Variants in TMEM131L observed in about 807,000 individuals in gnomAD.
TMEM131L encodes the protein transmembrane protein 131-like.
A neutral mutation model predicts 192.2 loss-of-function variants in TMEM131L; 54 were observed. That is an observed-to-expected ratio of 0.28 (90% CI 0.23 to 0.35). TMEM131L has a LOEUF of 0.35. Among genes scored for constraint, TMEM131L ranks in the 10% least tolerant of loss-of-function variants. TMEM131L has a pLI of 1.00. For synonymous variants in TMEM131L, 701 were observed against 704.9 expected, an observed-to-expected ratio of 0.99 and a Z score of 0.09; for missense variants, 1,888 against 1,972.9, an observed-to-expected ratio of 0.96 and a Z score of 0.82.
Position 153,545,876 on chromosome 4 carries a change from C to T in TMEM131L, c.240-4197C>T, listed in dbSNP as rs182173078. On this transcript the variant is annotated intron_variant, in intron 3 of 34. Coordinates refer to ENST00000409959, the MANE Select transcript of TMEM131L (RefSeq NM_001131007.2). ...GGCTCTTGCCTTTATTTCTTATCCT[C>T]GTGCCTTTCTCCTGTTATAGAAGCA... 1.3e-3 allele frequency among the ~76,000 whole-genome samples: 205 copies of T among 152,124 alleles called. 3 individuals carry two copies. The highest frequency in any genetic ancestry group is 1.4e-3 in the Non-Finnish European group (94 of 67,986).
At position 153,591,043 on chromosome 4, in the gene TMEM131L, A is replaced by G; in HGVS notation, c.1671-10A>G. On this transcript the variant is annotated splice_polypyrimidine_tract_variant and intron_variant, in intron 16 of 34. Transcript: ENST00000409959. ...TATTTTTCATAATAGTTTCTTTATC[A>G]ATTAAACAGGAGGAATGTTTTGGGA... 1 of 1,504,432 alleles carries G rather than the reference A, an allele frequency of 6.6e-7. No individual in the cohort carries two copies. The highest frequency in any genetic ancestry group is 8.9e-7 in the Non-Finnish European group (1 of 1,122,802). 93.2% of individuals were successfully genotyped at this position (1,504,432 alleles called of 1,614,324 possible). A position where few individuals can be genotyped will look rare whatever the true frequency, so the allele number is the denominator to read the frequency against.
intron 34 of TMEM131L, among the ~76,000 whole-genome samples, chr4:153,636,057 G>T (rs1257395200): frequency 6.6e-6 from 1 of 152,106 alleles, no homozygotes; most frequent in Non-Finnish European, 1.5e-5. Flanking sequence ...TTTTTTTCCA[G>T]ATAAAGGGTA....
chr4:153,522,567 C>T (rs550878356), intron 3 of TMEM131L, among the ~76,000 whole-genome samples: 4 of 152,240 alleles, frequency 2.6e-5, no homozygotes, highest in African/African-American at 9.6e-5. Context: ...CGCTTTGGTG[C>T]CCTACCGAGC....
chr4:153,492,133 T>C (rs1732835259), intron 3 of TMEM131L, among the ~76,000 whole-genome samples: 1 of 151,430 alleles, frequency 6.6e-6, no homozygotes, highest in South Asian at 2.1e-4. Context: ...TTCCAAGTAG[T>C]GGGGACTATT....
At chr4:153,548,210 C>CAT (rs2150388613) in intron 3 of TMEM131L, among the ~76,000 whole-genome samples, 1 of 152,358 alleles carries the variant, frequency 6.6e-6, no homozygotes, top group Non-Finnish European at 1.5e-5. Context: ...GAGTAAATAG[C>CAT]ATACCTCTTC....
rs1320786690 is a variant in TMEM131L, at chr4:153,621,557, A to G, written c.3693-126A>G. Reference sequence around the variant, plus strand: ...CATCATACTCTTCCACCAGACCCAAAGAGAGGAGGACTCCTATTGTCCCAG... The same window carrying G: ...CATCATACTCTTCCACCAGACCCAAGGAGAGGAGGACTCCTATTGTCCCAG... On this transcript the variant is annotated intron_variant, in intron 27 of 34. Transcript: ENST00000409959. The G allele has an allele frequency of 1.4e-5, 12 of 851,038 alleles. No homozygotes were observed. In the Admixed American group the frequency reaches 2.7e-4, roughly 19 times the overall value. 52.7% of individuals were successfully genotyped at this position (851,038 alleles called of 1,614,324 possible).
At chr4:153,488,878 T>C (rs570986318) in intron 3 of TMEM131L, among the ~76,000 whole-genome samples, 1 of 152,254 alleles carries the variant, frequency 6.6e-6, no homozygotes, top group East Asian at 1.9e-4. Context: ...GTTTCTTGGC[T>C]TGCAGCTGCG....
At chr4:153,468,293 G>T (rs1730911452) in intron 2 of TMEM131L, among the ~76,000 whole-genome samples, 1 of 152,166 alleles carries the variant, frequency 6.6e-6, no homozygotes, top group Non-Finnish European at 1.5e-5. Context: ...ACAGCTTCAA[G>T]GCAGAGAGGT....
chr4:153,572,487 C>T (rs146230620), intron 7 of TMEM131L, among the ~76,000 whole-genome samples: 2,279 of 152,172 alleles, frequency 0.015, 28 homozygotes, highest in Admixed American at 0.023. Flanking sequence ...CCCATGACCA[C>T]GCCCAGCTAA....
chr4:153,480,033 C>T (rs1415934646), intron 3 of TMEM131L, among the ~76,000 whole-genome samples: 1 of 152,162 alleles, frequency 6.6e-6, no homozygotes, highest in Non-Finnish European at 1.5e-5. Flanking sequence ...AGTGAAACAC[C>T]GTCTCTACTA....
chr4:153,547,676 G>A (rs1292741894), intron 3 of TMEM131L, among the ~76,000 whole-genome samples: 1 of 152,364 alleles, frequency 6.6e-6, no homozygotes, highest in South Asian at 2.1e-4. Context: ...GAAGGTGATG[G>A]CCATAGGCCT....
intron 19 of TMEM131L, 133 bp downstream of exon 19, chr4:153,594,004 T>C (rs756772050): frequency 1.4e-5 from 9 of 655,096 alleles, no homozygotes; most frequent in Non-Finnish European, 2.4e-5. Flanking sequence ...TCTCTGGGCA[T>C]TAACGATACA....
At chr4:153,607,103 G>T (rs6839460) in intron 25 of TMEM131L, among the ~76,000 whole-genome samples, 83,425 of 151,954 alleles carry the variant, frequency 0.55, 23,050 homozygotes, top group Non-Finnish European at 0.57. Context: ...AAAATCTAGG[G>T]AAAGATAATT....
intron 27 of TMEM131L, 56 bp from the exon 28 acceptor site, chr4:153,621,627 C>G: frequency 6.4e-7 from 1 of 1,563,344 alleles, no homozygotes; most frequent in South Asian, 1.1e-5. Flanking sequence ...AGGAAGTCTG[C>G]ATGTGTACAT....
intron 13 of TMEM131L, 39 bp from the exon 14 acceptor site, chr4:153,586,170 G>A (rs1356407879): frequency 7.0e-7 from 1 of 1,421,814 alleles, no homozygotes; most frequent in Non-Finnish European, 9.5e-7. Context: ...CATAATTAGT[G>A]TTAGGAAAAG....
rs543909401 is a variant in TMEM131L, at chr4:153,622,543, T to C, written c.3860-355T>C. On this transcript the variant is annotated intron_variant, in intron 28 of 34. Coordinates refer to ENST00000409959, the MANE Select transcript of TMEM131L (RefSeq NM_001131007.2). ...TTTGAAACTCTTAGTGGATATCTTATTAAAAGAGAGGGGGAAAATCACCTA... is the reference window on the plus strand; with the variant it reads ...TTTGAAACTCTTAGTGGATATCTTACTAAAAGAGAGGGGGAAAATCACCTA... 3.3e-5 allele frequency among the ~76,000 whole-genome samples: 5 copies of C among 152,340 alleles called. No individual in the cohort carries two copies. In the South Asian group the frequency reaches 8.3e-4, roughly 25 times the overall value.
At chr4:153,515,667 T>C (rs1734679907) in intron 3 of TMEM131L, among the ~76,000 whole-genome samples, 1 of 152,194 alleles carries the variant, frequency 6.6e-6, no homozygotes, top group Non-Finnish European at 1.5e-5. Flanking sequence ...TTTTCCAAAG[T>C]AGTTGTACCA....
chr4:153,550,321 C>CT (rs1218950724), intron 4 of TMEM131L, among the ~76,000 whole-genome samples, 180 bp downstream of exon 4: 1 of 151,852 alleles, frequency 6.6e-6, no homozygotes. Context: ...TGTTTCAGCC[C>CT]TTTCTTTAAT....
intron 1 of TMEM131L, 61 bp downstream of exon 1, chr4:153,466,582 G>A: frequency 8.0e-7 from 1 of 1,255,000 alleles, no homozygotes; most frequent in Non-Finnish European, 1.0e-6. Flanking sequence ...CTTTCTTTTA[G>A]GGAACTGCTG....
Sources: gnomAD v4.1 joint callset for allele counts (sites outside exome capture counted in the v4.1 genomes callset) on GRCh38, gnomAD v4.1.1 for gene constraint, MANE v1.5 for transcripts, NCBI Gene and HGNC (gene_info 2026-07-23, HGNC 2026-07-21) for gene names.